PRKACA: variants seen among roughly 807,000 people sequenced by gnomAD.
The protein encoded by PRKACA is cAMP-dependent protein kinase catalytic subunit alpha.
A neutral mutation model predicts 45.8 loss-of-function variants in PRKACA; 9 were observed. The ratio of observed to expected loss-of-function variants is 0.20; its 90% CI spans 0.12 to 0.34. The LOEUF (loss-of-function observed/expected upper bound fraction) is 0.34. PRKACA is among the 10% of genes least tolerant of loss of function. The pLI, the probability that PRKACA is intolerant of heterozygous loss-of-function variation, is 1.00. For synonymous variants in PRKACA, 160 were observed against 178.6 expected (o/e 0.90, Z 0.83); for missense variants, 238 against 458.6 (o/e 0.52, Z 4.39).
chr19:14,094,853 T>A (rs1406363093), intron 8 of PRKACA, among the ~76,000 whole-genome samples: 1 of 152,246 alleles, frequency 6.6e-6, no homozygotes, highest in African/African-American at 2.4e-5. Flanking sequence ...TCTTGAAAGT[T>A]TTCCCCAAAC....
chr19:14,100,051 A>G (rs7250021), intron 5 of PRKACA, among the ~76,000 whole-genome samples: 13,621 of 151,666 alleles, frequency 0.09, 1,974 homozygotes, highest in African/African-American at 0.31. Flanking sequence ...CACCATGTTA[A>G]CCAGGATGGT....
chr19:14,100,984 G>A (rs1017176284), intron 4 of PRKACA, 76 bp from the exon 5 acceptor site: 19 of 1,309,178 alleles, frequency 1.5e-5, no homozygotes, highest in East Asian at 4.6e-5. Flanking sequence ...GGGCCTCCCC[G>A]GCTGGTGTTC....
chr19:14,108,645 C>T (rs1031928492), intron 1 of PRKACA, among the ~76,000 whole-genome samples: 27 of 152,058 alleles, frequency 1.8e-4, no homozygotes, highest in Middle Eastern at 6.8e-3. Context: ...CTCCTGACCT[C>T]GTGATCCACC....
chr19:14,114,780 T>G (rs1461186016), intron 1 of PRKACA, among the ~76,000 whole-genome samples: 1 of 152,036 alleles, frequency 6.6e-6, no homozygotes, highest in Non-Finnish European at 1.5e-5. Flanking sequence ...TGGGTGTAGA[T>G]TCCCCCAACT....
In PRKACA at chr19:14,107,330, T is replaced by C. The variant is rs1977642602; in HGVS notation, c.108+18A>G. 1 of 1,611,926 alleles carries C rather than the reference T, an allele frequency of 6.2e-7. No homozygotes were observed. Among genetic ancestry groups the C allele is most frequent in the African/African-American group, 1.3e-5 (1 of 74,876 alleles). ...TAGCAGCTCACCCCTCCCTGGGCTC[T>C]GCACCCGGCAGCCTTACCTGAGCGG... On this transcript the variant is annotated intron_variant, in intron 2 of 9. Transcript: ENST00000308677.
chr19:14,102,428 AAGCTGAGG>A (rs1977472275), intron 4 of PRKACA, among the ~76,000 whole-genome samples: 1 of 152,152 alleles, frequency 6.6e-6, no homozygotes, highest in African/African-American at 2.4e-5. Flanking sequence ...TACCATGAGA[AAGCTGAGG>A]CTTGGGGAGA....
rs767202520 is a variant in PRKACA at position 14,097,745 on chromosome 19, C to T, written c.546+19G>A. 5.0e-6 allele frequency: 8 copies of T among 1,614,116 alleles called. No homozygotes were observed. Among genetic ancestry groups the T allele is most frequent in the South Asian group, 3.3e-5 (3 of 91,074 alleles). ...CCACGGCTTCCCCAGGGCTGCCCCT[C>T]GCCCGGCCTGGTGGGCACCTGAATG... On this transcript the variant is annotated intron_variant, in intron 6 of 9. Coordinates refer to ENST00000308677, the MANE Select transcript of PRKACA (RefSeq NM_002730.4). The surrounding 1 kb of genome is among the most constrained non-coding windows in gnomAD (Gnocchi z 5.4).
intron 3 of PRKACA, among the ~76,000 whole-genome samples, chr19:14,106,030 G>A (rs1268900860): frequency 6.6e-6 from 1 of 152,068 alleles, no homozygotes; most frequent in Non-Finnish European, 1.5e-5. Flanking sequence ...TCTGACCCCT[G>A]GGGCTGGCAC....
chr19:14,107,604 G>A, intron 1 of PRKACA, 195 bp from the exon 2 acceptor site: 2 of 1,318,738 alleles, frequency 1.5e-6, no homozygotes, highest in South Asian at 1.5e-5. Context: ...GGATCCAGCT[G>A]CCACTCCATC....
chr19:14,101,153 C>A, intron 4 of PRKACA: 1 of 471,396 alleles, frequency 2.1e-6, no homozygotes, highest in Non-Finnish European at 3.9e-6. Context: ...TCTGTAGTAC[C>A]TTGCTCTGGG....
At chr19:14,098,047 C>A (rs1384566986) in intron 5 of PRKACA, 157 bp from the exon 6 acceptor site, 17 of 854,684 alleles carry the variant, frequency 2.0e-5, no homozygotes, top group African/African-American at 3.4e-5. Flanking sequence ...TGGGAAACAG[C>A]CTGTGGGTCC....
rs1232124791 is a variant in PRKACA at position 14,093,479 on chromosome 19, G to C, written c.930+149C>G. ...GTCATGGAATGGCCAAATGACCCCA[G>C]AATCCCATTTCTAGACCCCACTGCT... On this transcript the variant is annotated intron_variant, in intron 9 of 9. Transcript: ENST00000308677. The C allele has an allele frequency of 3.5e-6, 4 of 1,153,788 alleles. No homozygotes were observed. In the African/African-American group the frequency reaches 6.2e-5, roughly 18 times the overall value. 71.5% of individuals were successfully genotyped at this position (1,153,788 alleles called of 1,614,324 possible). A position where few individuals can be genotyped will look rare whatever the true frequency, so the allele number is the denominator to read the frequency against.
rs113686943 is a variant in PRKACA at position 14,100,144 on chromosome 19, A to AT, written c.419+681dup. On this transcript the variant is annotated intron_variant, in intron 5 of 9. Coordinates refer to ENST00000308677, the MANE Select transcript of PRKACA (RefSeq NM_002730.4). ...AGGCACGAGCCACTGCGCCCAGCCAATTTTTTTTTTTTAAAAGAGACAAAA... is the reference window on the plus strand; with the variant it reads ...AGGCACGAGCCACTGCGCCCAGCCAATTTTTTTTTTTTTAAAAGAGACAAAA... Among the ~76,000 whole-genome samples the AT allele has an allele frequency of 3.4e-3, 503 of 147,006 alleles. 2 individuals are homozygous for AT. Among genetic ancestry groups the AT allele is most frequent in the African/African-American group, 9.1e-3 (370 of 40,552 alleles).
chr19:14,100,568 G>A (rs1421397126), intron 5 of PRKACA, among the ~76,000 whole-genome samples: 1 of 152,226 alleles, frequency 6.6e-6, no homozygotes, highest in African/African-American at 2.4e-5. Context: ...AAAGTGCTGG[G>A]ATTACTGGTG....
intron 3 of PRKACA, 119 bp downstream of exon 3, chr19:14,106,641 G>A (rs1169299839): frequency 1.9e-5 from 26 of 1,396,986 alleles, no homozygotes; most frequent in East Asian, 4.7e-5. Context: ...GCGACAGAGC[G>A]AGACTCTGAA....
In PRKACA at chr19:14,107,320, C is replaced by T. The variant is rs757012852; in HGVS notation, c.108+28G>A. On this transcript the variant is annotated intron_variant, in intron 2 of 9. Coordinates refer to ENST00000308677, the MANE Select transcript of PRKACA (RefSeq NM_002730.4). ...GGCTGGGGGTTAGCAGCTCACCCCTCCCTGGGCTCTGCACCCGGCAGCCTT... is the reference window on the plus strand; with the variant it reads ...GGCTGGGGGTTAGCAGCTCACCCCTTCCTGGGCTCTGCACCCGGCAGCCTT... 7 of 1,607,476 alleles carry T rather than the reference C, an allele frequency of 4.4e-6. No homozygotes were observed. In the South Asian group the frequency reaches 7.7e-5, roughly 18 times the overall value.
At chr19:14,094,594 A>G (rs1413417794) in intron 8 of PRKACA, among the ~76,000 whole-genome samples, 7 of 152,222 alleles carry the variant, frequency 4.6e-5, no homozygotes. Context: ...TTTCCATTTC[A>G]GAGAAGGGGA....
At chr19:14,102,088 C>G (rs1298874777) in intron 4 of PRKACA, among the ~76,000 whole-genome samples, 1 of 152,088 alleles carries the variant, frequency 6.6e-6, no homozygotes, top group Admixed American at 6.6e-5. Flanking sequence ...TGCTTGAACC[C>G]AGGAGGCAGA....
intron 1 of PRKACA, among the ~76,000 whole-genome samples, chr19:14,109,997 T>TACACAC (rs1381189319): frequency 2.8e-5 from 2 of 71,764 alleles, no homozygotes; most frequent in African/African-American, 1.5e-4. Flanking sequence ...TATATATATA[T>TACACAC]ATACACACAC....
Sources: gnomAD v4.1 joint callset for allele counts (sites outside exome capture counted in the v4.1 genomes callset) on GRCh38, gnomAD v4.1.1 for gene constraint, Gnocchi (gnomAD v3.1) non-coding constraint, MANE v1.5 for transcripts, NCBI Gene and HGNC (gene_info 2026-07-23, HGNC 2026-07-21) for gene names.